The following SUGP1 variants were observed in gnomAD, a reference collection of about 807,000 sequenced individuals.
The protein encoded by SUGP1 is SURP and G-patch domain containing 1, also known as SURP and G-patch domain-containing protein 1.
A neutral mutation model predicts 76.5 loss-of-function variants in SUGP1; 34 were observed. That is an observed-to-expected ratio of 0.44 (90% CI 0.34 to 0.59). The LOEUF is 0.59. SUGP1 is among the 20% of genes least tolerant of loss of function. SUGP1 has a pLI of 0.01. For synonymous variants in SUGP1, 326 were observed against 326.2 expected (o/e 1.00, Z 0.01); for missense variants, 752 against 851.7 (o/e 0.88, Z 1.46).
At chr19:19,313,122 G>A (rs570074518) in intron 2 of SUGP1, among the ~76,000 whole-genome samples, 4 of 152,198 alleles carry the variant, frequency 2.6e-5, no homozygotes, top group East Asian at 1.9e-4. Context: ...GGCCGGGTGC[G>A]GGACCTCACA....
intron 4 of SUGP1, among the ~76,000 whole-genome samples, chr19:19,304,388 A>G (rs2061299125): frequency 6.6e-6 from 1 of 152,004 alleles, no homozygotes; most frequent in Non-Finnish European, 1.5e-5. Flanking sequence ...GCCATCTGCC[A>G]GGACAGGCGC....
chr19:19,313,823 T>G (rs1270720976), intron 2 of SUGP1, among the ~76,000 whole-genome samples: 2 of 151,878 alleles, frequency 1.3e-5, no homozygotes, highest in Admixed American at 6.6e-5. Context: ...GTCAACATAG[T>G]GAAACCCTGT....
Position 19,310,179 on chromosome 19 carries a change from A to G in SUGP1, c.228T>C (p.Ser76=), listed in dbSNP as rs199894191. The change falls in exon 3 of 14, where the codon TCT becomes TCC. Residue 76 remains serine (S), a synonymous_variant. Coordinates refer to ENST00000247001, the MANE Select transcript of SUGP1 (RefSeq NM_172231.4). ...TGGCAAACTTGTTGGAAATGCAGGA[A>G]GAGTTGTGTGCATTTGTGATTCTAG... ...HPGEITNAHN[S]SCISNKFAND... is the part of the protein sequence containing the mutation. 6.2e-7 allele frequency: 1 copy of G among 1,613,498 alleles called. No homozygotes were observed. The highest frequency in any genetic ancestry group is 1.3e-5 in the African/African-American group (1 of 74,910).
At chr19:19,286,382 C>T (rs1255695945) in intron 8 of SUGP1, among the ~76,000 whole-genome samples, 1 of 152,156 alleles carries the variant, frequency 6.6e-6, no homozygotes, top group East Asian at 1.9e-4. Flanking sequence ...GCAGAGCGAA[C>T]ATTATGAAAG....
At position 19,297,185 on chromosome 19, in the gene SUGP1, TG is replaced by T; in HGVS notation, c.1046del (p.Pro349GlnfsTer31). ...PPEALSGSLP[P>X]ATTCPASSTP... ...TGGACGAGGCGGGGCAGGTGGTGGCTGGGGGTAAGGACCCTGACAGGGCCTC... is the reference window on the plus strand; with the variant it reads ...TGGACGAGGCGGGGCAGGTGGTGGCTGGGGTAAGGACCCTGACAGGGCCTC... On this transcript the variant is annotated frameshift_variant, in exon 8 of 14. Transcript: ENST00000247001. LOFTEE classifies it high-confidence loss of function. The T allele has an allele frequency of 6.2e-7, 1 of 1,609,976 alleles. No individual in the cohort carries two copies. Among genetic ancestry groups the T allele is most frequent in the Non-Finnish European group, 8.5e-7 (1 of 1,176,954 alleles).
At chr19:19,297,905 G>A (rs928525955) in intron 7 of SUGP1, among the ~76,000 whole-genome samples, 1 of 152,182 alleles carries the variant, frequency 6.6e-6, no homozygotes, top group East Asian at 1.9e-4. Flanking sequence ...CCAGCCTGAG[G>A]AGCACAGCAG....
chr19:19,299,785 C>A (rs1372802596), intron 7 of SUGP1, among the ~76,000 whole-genome samples: 1 of 151,450 alleles, frequency 6.6e-6, no homozygotes, highest in Non-Finnish European at 1.5e-5. Context: ...TCCAGCTTTT[C>A]ATTTTTTTTT....
chr19:19,283,000 C>T (rs2061111119), intron 8 of SUGP1, among the ~76,000 whole-genome samples: 1 of 151,730 alleles, frequency 6.6e-6, no homozygotes, highest in Admixed American at 6.6e-5. Context: ...TGGTGTGAAC[C>T]CGGGAGGTGG....
At chr19:19,309,173 C>G (rs527473711) in intron 3 of SUGP1, among the ~76,000 whole-genome samples, 14 of 152,192 alleles carry the variant, frequency 9.2e-5, no homozygotes, top group African/African-American at 3.4e-4. Context: ...AGCCTGCCCC[C>G]TTGGTATTAA....
chr19:19,308,655 C>T (rs1014116330), intron 3 of SUGP1, among the ~76,000 whole-genome samples: 8 of 152,264 alleles, frequency 5.3e-5, no homozygotes, highest in African/African-American at 1.9e-4. Flanking sequence ...CCCGGTGTCT[C>T]TGAAAACCCT....
In SUGP1 at chr19:19,310,838, T is replaced by A. The variant is rs977643865; in HGVS notation, c.207-638A>T. ...TTTGTATTTTTGTAGAGATGGGGTT[T>A]CGCTATGTTGGCTGGGCTGTTCTCG... On this transcript the variant is annotated intron_variant, in intron 2 of 13. Coordinates refer to ENST00000247001, the MANE Select transcript of SUGP1 (RefSeq NM_172231.4). Among the ~76,000 whole-genome samples, 9 of 152,166 alleles carry A rather than the reference T, an allele frequency of 5.9e-5. 1 individual carries two copies. In the Middle Eastern group the frequency reaches 0.027, roughly 463 times the overall value.
chr19:19,280,414 C>T, intron 8 of SUGP1, 123 bp from the exon 9 acceptor site: 1 of 846,904 alleles, frequency 1.2e-6, no homozygotes, highest in South Asian at 1.5e-5. Flanking sequence ...GACCTCATAT[C>T]ATTACTGTCA....
At chr19:19,319,171 G>A (rs978516232) in intron 1 of SUGP1, among the ~76,000 whole-genome samples, 3 of 152,066 alleles carry the variant, frequency 2.0e-5, no homozygotes, top group African/African-American at 7.2e-5. Context: ...GCAGTCAGCC[G>A]ACATCGTGCC....
At chr19:19,299,505 T>C (rs1291545875) in intron 7 of SUGP1, among the ~76,000 whole-genome samples, 2 of 151,628 alleles carry the variant, frequency 1.3e-5, no homozygotes, top group Non-Finnish European at 2.9e-5. Flanking sequence ...CCTGACTAGC[T>C]GGGACTACAG....
chr19:19,316,144 A>AT, intron 2 of SUGP1: 1 of 365,852 alleles, frequency 2.7e-6, no homozygotes, highest in African/African-American at 2.1e-5. Flanking sequence ...CAAGGCAGAG[A>AT]TTTTTACTCT....
chr19:19,292,533 C>T (rs1171182136), intron 8 of SUGP1, among the ~76,000 whole-genome samples: 1 of 152,020 alleles, frequency 6.6e-6, no homozygotes, highest in African/African-American at 2.4e-5. Context: ...GAAACCCTGT[C>T]TCTACTAAAA....
Position 19,302,351 on chromosome 19 carries a change from T to C in SUGP1, c.801A>G (p.Ala267=). ...CCGCTATGAACCTGGCCAACTTTTC[T>C]GCAAGGTTCTTGACCTCTTCGTCCT... ...PPEDEEVKNL[A]EKLARFIADG... The change falls in exon 7 of 14, where the codon GCA becomes GCG. Residue 267 remains alanine, a synonymous_variant. Transcript: ENST00000247001. 1 of 1,614,222 alleles carries C rather than the reference T, an allele frequency of 6.2e-7. No individual in the cohort carries two copies. The highest frequency in any genetic ancestry group is 8.5e-7 in the Non-Finnish European group (1 of 1,180,036).
In SUGP1 at chr19:19,280,203, C is replaced by T. The variant is rs1417119139; in HGVS notation, c.1332G>A (p.Gln444=). The T allele has an allele frequency of 1.2e-6, 2 of 1,613,828 alleles. No homozygotes were observed. The highest frequency in any genetic ancestry group is 1.7e-6 in the Non-Finnish European group (2 of 1,179,960). Residue 444 remains glutamine (Q), a synonymous_variant, in exon 9 of 14, where the codon CAG becomes CAA. Coordinates refer to ENST00000247001, the MANE Select transcript of SUGP1 (RefSeq NM_172231.4). ...GTCTTACCTCCTGCTGCTCCTTCAG[C>T]TGCTTCTTCTGGGCGTCTGAAAGCT... The part of the protein sequence containing the change: ...VTELSDAQKK[Q]LKEQQEMQQM...
At chr19:19,318,468 G>A (rs2061411669) in intron 1 of SUGP1, among the ~76,000 whole-genome samples, 1 of 149,602 alleles carries the variant, frequency 6.7e-6, no homozygotes, top group Non-Finnish European at 1.5e-5. Flanking sequence ...TCGCTGAGTT[G>A]CCCAGGCAGG....
Sources: allele counts gnomAD v4.1 joint callset (sites outside exome capture counted in the v4.1 genomes callset), GRCh38; gene constraint gnomAD v4.1.1; transcripts MANE v1.5; gene names NCBI Gene and HGNC (gene_info 2026-07-23, HGNC 2026-07-21).